Variants in NANOG observed in about 807,000 individuals in gnomAD.
NANOG encodes homeobox protein NANOG.
Under a neutral mutation model 17.7 loss-of-function variants are expected in NANOG, and 2 were observed. The ratio of observed to expected loss-of-function variants is 0.11; its 90% CI spans 0.05 to 0.36. NANOG has a LOEUF of 0.36. NANOG is among the 10% of genes least tolerant of loss of function. The probability of loss-of-function intolerance (pLI) is 1.00; values close to 1 mark genes in which losing one functional copy is unlikely to be tolerated. For synonymous variants in NANOG, 81 were observed against 124.7 expected, an observed-to-expected ratio of 0.65 and a Z score of 2.33; for missense variants, 174 against 362.1, an observed-to-expected ratio of 0.48 and a Z score of 4.22.
rs1862888696 is a variant in NANOG, at chr12:7,794,506, A to G, written c.464A>G (p.Lys155Arg). ...AGAATGAAATCTAAGAGGTGGCAGAAAAACAACTGGCCGAAGAATAGCAAT... is the reference window on the plus strand; with the variant it reads ...AGAATGAAATCTAAGAGGTGGCAGAGAAACAACTGGCCGAAGAATAGCAAT... ...NQRMKSKRWQKNNWPKNSNGV... is the reference protein window; with the variant it reads ...NQRMKSKRWQRNNWPKNSNGV... Residue 155 changes from lysine to arginine, a missense_variant, in exon 3 of 4, where the codon AAA becomes AGA. Lys to Arg is a conservative substitution (Grantham distance 26). Coordinates refer to ENST00000229307, the MANE Select transcript of NANOG (RefSeq NM_024865.4). The G allele has an allele frequency of 6.2e-7, 1 of 1,613,574 alleles. No homozygotes were observed. Among genetic ancestry groups the G allele is most frequent in the Admixed American group, 1.7e-5 (1 of 59,924 alleles).
chr12:7,791,874 G>A (rs756379526), intron 1 of NANOG, among the ~76,000 whole-genome samples: 2 of 152,260 alleles, frequency 1.3e-5, no homozygotes, highest in African/African-American at 4.8e-5. Context: ...TCCTAGCATT[G>A]AGAACTGGGC....
At position 7,789,627 on chromosome 12, in the gene NANOG, C is replaced by A; in HGVS notation, c.13C>A (p.Pro5Thr). 1 of 1,613,846 alleles carries A rather than the reference C, an allele frequency of 6.2e-7. No homozygotes were observed. Among genetic ancestry groups the A allele is most frequent in the East Asian group, 2.2e-5 (1 of 44,884 alleles). MSVD[P>T]ACPQSLPCFE... Reference sequence around the variant, plus strand: ...CCTCTATACTAACATGAGTGTGGATCCAGCTTGTCCCCAAAGCTTGCCTTG... The same window carrying A: ...CCTCTATACTAACATGAGTGTGGATACAGCTTGTCCCCAAAGCTTGCCTTG... The change falls in exon 1 of 4, where the codon CCA (proline) becomes ACA (threonine). Residue 5 changes from proline to threonine, a missense_variant. Coordinates refer to ENST00000229307, the MANE Select transcript of NANOG (RefSeq NM_024865.4).
chr12:7,792,154 C>G (rs191759686), intron 1 of NANOG, among the ~76,000 whole-genome samples: 1 of 152,288 alleles, frequency 6.6e-6, no homozygotes, highest in East Asian at 1.9e-4. Flanking sequence ...CTTGGCCTCC[C>G]AAAGTGTTGG....
Position 7,791,563 on chromosome 12 carries a change from GAGA to G in NANOG, c.152-1383_152-1381del, listed in dbSNP as rs1232867416. 2.6e-5 allele frequency among the ~76,000 whole-genome samples: 4 copies of G among 152,256 alleles called. No individual in the cohort carries two copies. In the East Asian group the frequency reaches 7.7e-4, roughly 29 times the overall value. Reference sequence around the variant, plus strand: ...CTGCTTTTCAGATCTACTTGCAAGAGAGAAGAGATTGTTAATTTTTGCTGTTTT... The same window carrying G: ...CTGCTTTTCAGATCTACTTGCAAGAGAGAGATTGTTAATTTTTGCTGTTTT... On this transcript the variant is annotated intron_variant, in intron 1 of 3. Coordinates refer to ENST00000229307, the MANE Select transcript of NANOG (RefSeq NM_024865.4).
chr12:7,792,927 G>T lies in NANOG; in HGVS notation c.152-23G>T, dbSNP rs202147857. 13 of 1,560,846 alleles carry T rather than the reference G, an allele frequency of 8.3e-6. No homozygotes were observed. In the East Asian group the frequency reaches 1.6e-4, roughly 19 times the overall value. On this transcript the variant is annotated intron_variant, in intron 1 of 3. Coordinates refer to ENST00000229307, the MANE Select transcript of NANOG (RefSeq NM_024865.4). ...TATTTGAAAAATTTTAGACAAAAGT[G>T]TCCTTTTATTTGTTCCCAACAGTCT...
intron 1 of NANOG, 48 bp from the exon 2 acceptor site, chr12:7,792,902 T>C: frequency 6.5e-7 from 1 of 1,535,662 alleles, no homozygotes; most frequent in South Asian, 1.2e-5. Flanking sequence ...GATATTTTAA[T>C]ATTTGAAAAA....
chr12:7,790,535 G>A (rs1862825397), intron 1 of NANOG, among the ~76,000 whole-genome samples: 1 of 152,138 alleles, frequency 6.6e-6, no homozygotes, highest in Non-Finnish European at 1.5e-5. Context: ...TCATAAAGCC[G>A]CTACCACTTT....
chr12:7,793,288 A>C (rs1862868847), intron 2 of NANOG, 76 bp downstream of exon 2: 2 of 1,408,908 alleles, frequency 1.4e-6, no homozygotes, highest in Non-Finnish European at 2.0e-6. Flanking sequence ...CTGTGGATGC[A>C]TGTAGATGTG....
At chr12:7,789,877 G>T (rs12821706) in intron 1 of NANOG, 112 bp downstream of exon 1, 1 of 1,159,406 alleles carries the variant, frequency 8.6e-7, no homozygotes, top group Non-Finnish European at 1.2e-6. Flanking sequence ...TTACTATAAA[G>T]AAGTGTTATT....
chr12:7,790,682 G>A (rs2120560463), intron 1 of NANOG, among the ~76,000 whole-genome samples: 1 of 152,276 alleles, frequency 6.6e-6, no homozygotes, highest in African/African-American at 2.4e-5. Context: ...GTAAAGAGTA[G>A]GTTGTGGAAA....
chr12:7,794,702 C>G lies in NANOG; in HGVS notation c.525C>G (p.Pro175=), dbSNP rs758918190. The G allele has an allele frequency of 1.3e-5, 21 of 1,606,654 alleles. No homozygotes were observed. The Middle Eastern group carries it at 5.0e-4, about 38-fold the overall frequency. ...AGAAGGCCTCAGCACCTACCTACCC[C>G]AGCCTTTACTCTTCCTACCACCAGG... ...VTQKASAPTY[P]SLYSSYHQGC... The change falls in exon 4 of 4, where the codon CCC becomes CCG. Residue 175 remains proline, a synonymous_variant. Transcript: ENST00000229307.
intron 1 of NANOG, among the ~76,000 whole-genome samples, chr12:7,790,991 AC>A (rs1862832968): frequency 6.7e-6 from 1 of 150,134 alleles, no homozygotes; most frequent in Admixed American, 6.6e-5. Context: ...GTGATCCTCC[AC>A]CCTCAGCTTC....
At chr12:7,792,862 C>A in intron 1 of NANOG, 88 bp from the exon 2 acceptor site, 1 of 1,360,978 alleles carries the variant, frequency 7.3e-7, no homozygotes, top group Non-Finnish European at 1.0e-6. Flanking sequence ...TGGGAATTAT[C>A]AAAGTACTTT....
At chr12:7,794,321 C>A (rs1862886416) in intron 2 of NANOG, 136 bp from the exon 3 acceptor site, 2 of 770,692 alleles carry the variant, frequency 2.6e-6, no homozygotes, top group Non-Finnish European at 4.2e-6. Context: ...AATCTGCCCG[C>A]CTTGGCCTTC....
intron 1 of NANOG, among the ~76,000 whole-genome samples, chr12:7,792,111 T>A (rs1463293646): frequency 6.6e-6 from 1 of 152,178 alleles, no homozygotes; most frequent in African/African-American, 2.4e-5. Flanking sequence ...GGCACGCTGG[T>A]TTTGAACTCT....
intron 1 of NANOG, 146 bp downstream of exon 1, chr12:7,789,911 C>CT: frequency 1.2e-6 from 1 of 862,148 alleles, no homozygotes; most frequent in Non-Finnish European, 1.8e-6. Flanking sequence ...CTGGAAACCC[C>CT]TTTTTCCATT....
At chr12:7,790,740 T>C (rs1252159189) in intron 1 of NANOG, among the ~76,000 whole-genome samples, 2 of 149,376 alleles carry the variant, frequency 1.3e-5, no homozygotes, top group Non-Finnish European at 1.5e-5. Context: ...GATTTGAATG[T>C]CACCCTGCTT....
Position 7,797,655 on chromosome 12 carries a change from C to T in NANOG, c.*2560C>T, listed in dbSNP as rs1011450003. On this transcript the variant is annotated 3_prime_UTR_variant, in exon 4 of 4. Transcript: ENST00000229307. ...TACAGGCATGAGCCACAGTGCCCAG[C>T]CTTCTTTTTTATTTTTTTAAGACGG... The T allele has an allele frequency of 3.2e-4, 48 of 152,306 alleles. No homozygotes were observed. The highest frequency in any genetic ancestry group is 1.1e-3 in the African/African-American group (44 of 41,544). The allele number at this position is 152,306 out of a possible 1,614,324, so 9.4% of individuals were successfully genotyped here. A position where few individuals can be genotyped will look rare whatever the true frequency, so the allele number is the denominator to read the frequency against.
At position 7,794,443 on chromosome 12, in the gene NANOG, A is replaced by G. The variant is rs1267559466; in HGVS notation, c.415-14A>G. ...TTATGAATATTTTACAATTTCTATC[A>G]TTTTTTCCTGCAGGTGAAGACCTGG... On this transcript the variant is annotated splice_polypyrimidine_tract_variant and intron_variant, in intron 2 of 3. Transcript: ENST00000229307. The G allele has an allele frequency of 6.2e-7, 1 of 1,605,080 alleles. No individual in the cohort carries two copies. The highest frequency in any genetic ancestry group is 1.3e-5 in the African/African-American group (1 of 74,694).
Sources: allele counts gnomAD v4.1 joint callset (sites outside exome capture counted in the v4.1 genomes callset), GRCh38; gene constraint gnomAD v4.1.1; transcripts MANE v1.5; gene names NCBI Gene and HGNC (gene_info 2026-07-23, HGNC 2026-07-21).